BIN2: variants seen among roughly 807,000 people sequenced by gnomAD.
BIN2 encodes breast cancer associated protein BRAP1.
Under a neutral mutation model 67.9 loss-of-function variants are expected in BIN2, and 43 were observed. The observed-to-expected ratio is 0.63, with a 90% CI of 0.50 to 0.82. The LOEUF is 0.82. BIN2 is among the 40% of genes least tolerant of loss of function. BIN2 has a pLI of 0.00. For missense variants in BIN2, 581 were observed against 671.6 expected (o/e 0.87, Z 1.49); for synonymous variants, 244 against 246.8 (o/e 0.99, Z 0.11).
At chr12:51,305,192 A>T (rs1336592263) in intron 2 of BIN2, among the ~76,000 whole-genome samples, 3 of 149,438 alleles carry the variant, frequency 2.0e-5, no homozygotes, top group African/African-American at 7.4e-5. Flanking sequence ...AAAAATTAGC[A>T]GGGTGTGGCG....
chr12:51,313,549 C>T (rs1421248516), intron 2 of BIN2, among the ~76,000 whole-genome samples: 1 of 151,904 alleles, frequency 6.6e-6, no homozygotes, highest in Non-Finnish European at 1.5e-5. Context: ...TCATGTTGGC[C>T]AGGATGGTCT....
chr12:51,300,341 T>C (rs1945689951), intron 5 of BIN2, among the ~76,000 whole-genome samples: 1 of 152,184 alleles, frequency 6.6e-6, no homozygotes, highest in Admixed American at 6.5e-5. Context: ...ATATTTCCTA[T>C]GAACCCATTA....
chr12:51,297,194 C>T (rs776064504), intron 7 of BIN2, 30 bp from the exon 8 acceptor site: 58 of 1,584,524 alleles, frequency 3.7e-5, no homozygotes, highest in East Asian at 1.1e-4. Flanking sequence ...CAAACACATA[C>T]GAGTAAGGCA....
chr12:51,305,190 G>T (rs1565682954), intron 2 of BIN2, among the ~76,000 whole-genome samples: 2 of 151,670 alleles, frequency 1.3e-5, no homozygotes, highest in South Asian at 4.1e-4. Flanking sequence ...TAAAAAATTA[G>T]CAGGGTGTGG....
At chr12:51,308,183 G>A (rs1280264408) in intron 2 of BIN2, among the ~76,000 whole-genome samples, 1 of 152,114 alleles carries the variant, frequency 6.6e-6, no homozygotes, top group Non-Finnish European at 1.5e-5. Context: ...GACTCTCATA[G>A]TCTTGGGTTC....
intron 10 of BIN2, among the ~76,000 whole-genome samples, chr12:51,289,727 T>G (rs1945334680): frequency 6.6e-6 from 1 of 152,164 alleles, no homozygotes; most frequent in African/African-American, 2.4e-5. Flanking sequence ...TTAAAAATTT[T>G]TTTTTGAGAT....
chr12:51,318,379 A>T (rs571250263), intron 1 of BIN2, among the ~76,000 whole-genome samples: 63 of 150,910 alleles, frequency 4.2e-4, no homozygotes, highest in Middle Eastern at 3.5e-3. Context: ...CTTCTGCCTC[A>T]GCCTCCCAAG....
rs1175893181 is a variant in BIN2, at chr12:51,324,024, TCTC to T, written c.76_78del (p.Glu26del). 6.2e-7 allele frequency: 1 copy of T among 1,612,944 alleles called. No homozygotes were observed. Among genetic ancestry groups the T allele is most frequent in the South Asian group, 1.1e-5 (1 of 91,040 alleles). The stretch of plus-strand genomic sequence containing the variant: ...GACAGCGAGGCCCGGCCACCTACCT[TCTC>T]CTGGGCCCTGCTAAACTTCTTCTGC... On this transcript the variant is annotated inframe_deletion, in exon 1 of 13. Coordinates refer to ENST00000615107, the MANE Select transcript of BIN2 (RefSeq NM_016293.4).
intron 9 of BIN2, among the ~76,000 whole-genome samples, chr12:51,294,379 C>T (rs893364230): frequency 2.8e-4 from 42 of 151,982 alleles, no homozygotes; most frequent in African/African-American, 9.2e-4. Flanking sequence ...CCAGCCTGGC[C>T]AGTATGGTGA....
chr12:51,321,283 G>A (rs1374591247), intron 1 of BIN2, among the ~76,000 whole-genome samples: 2 of 152,120 alleles, frequency 1.3e-5, no homozygotes, highest in African/African-American at 4.8e-5. Flanking sequence ...AATCTCTTTT[G>A]AGCCTTGTTT....
At position 51,291,928 on chromosome 12, in the gene BIN2, G is replaced by A. The variant is rs1365076828; in HGVS notation, c.1178C>T (p.Thr393Ile). The A allele has an allele frequency of 1.1e-5, 17 of 1,614,086 alleles. No individual in the cohort carries two copies. In the South Asian group the frequency reaches 1.9e-4, roughly 18 times the overall value. ...SATEVVLRTRTASEGSEQPKK... is the reference protein window; with the variant it reads ...SATEVVLRTRIASEGSEQPKK... ...TGGTTGTTCAGATCCTTCACTTGCG[G>A]TGCGGGTTCGGAGGACTACTTCTGT... The change falls in exon 10 of 13, where the codon ACC (threonine) becomes ATC (isoleucine). Residue 393 changes from threonine (T) to isoleucine (I), a missense_variant. Thr to Ile is a moderately conservative substitution (Grantham distance 89). Coordinates refer to ENST00000615107, the MANE Select transcript of BIN2 (RefSeq NM_016293.4).
intron 2 of BIN2, among the ~76,000 whole-genome samples, chr12:51,307,912 G>A (rs949944127): frequency 7.9e-5 from 12 of 152,024 alleles, no homozygotes; most frequent in African/African-American, 2.9e-4. Context: ...CAAAAGCCCC[G>A]CTCCATTTCT....
intron 2 of BIN2, among the ~76,000 whole-genome samples, chr12:51,304,949 C>T (rs530856921): frequency 6.6e-6 from 1 of 151,962 alleles, no homozygotes; most frequent in Non-Finnish European, 1.5e-5. Flanking sequence ...ACCCAGGAGG[C>T]AGAACTTGCA....
At chr12:51,296,555 G>A (rs1264057071) in intron 8 of BIN2, among the ~76,000 whole-genome samples, 1 of 151,524 alleles carries the variant, frequency 6.6e-6, no homozygotes, top group Non-Finnish European at 1.5e-5. Context: ...TCATACTTTA[G>A]CCAAATAAAC....
intron 5 of BIN2, among the ~76,000 whole-genome samples, chr12:51,300,380 G>A (rs1258825375): frequency 6.6e-6 from 1 of 151,944 alleles, no homozygotes; most frequent in Admixed American, 6.6e-5. Flanking sequence ...AGGAGAAATG[G>A]CCTTGAGAAT....
rs537321644 is a variant in BIN2, at chr12:51,297,979, C to T, written c.603-815G>A. ...TTCATTTCTAGGCCAGGCACGGTGG[C>T]TCATGCCTGTAATCCCAGCACTTTG... On this transcript the variant is annotated intron_variant, in intron 7 of 12. Transcript: ENST00000615107. 5.9e-5 allele frequency among the ~76,000 whole-genome samples: 9 copies of T among 152,290 alleles called. No homozygotes were observed. The South Asian group carries it at 1.7e-3, about 28-fold the overall frequency.
intron 12 of BIN2, among the ~76,000 whole-genome samples, chr12:51,284,415 AC>A (rs1234263074): frequency 1.3e-5 from 2 of 152,140 alleles, no homozygotes; most frequent in African/African-American, 4.8e-5. Context: ...GTATAATATG[AC>A]CTTTTTGCAT....
chr12:51,313,728 T>C (rs1946054908), intron 2 of BIN2, 95 bp downstream of exon 2: 1 of 1,138,292 alleles, frequency 8.8e-7, no homozygotes. Flanking sequence ...TTGGTGGAGA[T>C]GTTTGCCAGT....
intron 2 of BIN2, among the ~76,000 whole-genome samples, chr12:51,306,926 G>T (rs1045856591): frequency 6.6e-6 from 1 of 152,130 alleles, no homozygotes; most frequent in African/African-American, 2.4e-5. Flanking sequence ...AGAGGTTTGA[G>T]AATTTTGAAA....
Sources: allele counts gnomAD v4.1 joint callset (sites outside exome capture counted in the v4.1 genomes callset), GRCh38; gene constraint gnomAD v4.1.1; transcripts MANE v1.5; gene names NCBI Gene and HGNC (gene_info 2026-07-23, HGNC 2026-07-21).